The following SRGAP2C variants were observed in gnomAD, a reference collection of about 807,000 sequenced individuals.
SRGAP2C encodes the protein SLIT-ROBO Rho GTPase-activating protein 2C.
Under a neutral mutation model 25.1 loss-of-function variants are expected in SRGAP2C, and 15 were observed. The observed-to-expected ratio is 0.60, with a 90% CI of 0.40 to 0.92. The LOEUF (loss-of-function observed/expected upper bound fraction) is 0.92, where lower values mean the gene tolerates loss of function less well. Ranked by LOEUF, SRGAP2C falls within the 40% of genes least tolerant of loss-of-function variation. SRGAP2C has a pLI of 0.00. For missense variants in SRGAP2C, 144 were observed against 264.4 expected, an observed-to-expected ratio of 0.54 and a Z score of 3.16; for synonymous variants, 44 against 96.6, an observed-to-expected ratio of 0.46 and a Z score of 3.19.
At chr1:121,270,134 C>T (rs1222202862) in intron 2 of SRGAP2C, among the ~76,000 whole-genome samples, 7 of 140,816 alleles carry the variant, frequency 5.0e-5, no homozygotes, top group South Asian at 2.4e-4. Context: ...AAGACGAGTT[C>T]GTGGGTGCTA....
At chr1:121,357,449 A>T (rs1306892277) in intron 4 of SRGAP2C, among the ~76,000 whole-genome samples, 1 of 151,262 alleles carries the variant, frequency 6.6e-6, no homozygotes, top group Non-Finnish European at 1.5e-5. Context: ...CCTTATTTTC[A>T]TTCTGCCACC....
intron 2 of SRGAP2C, among the ~76,000 whole-genome samples, chr1:121,220,978 C>G: frequency 7.2e-6 from 1 of 139,446 alleles, no homozygotes; most frequent in Admixed American, 7.3e-5. Flanking sequence ...TCTTGGCTCA[C>G]TGCAACCTCC....
intron 4 of SRGAP2C, among the ~76,000 whole-genome samples, chr1:121,339,132 C>G (rs1480554625): frequency 2.0e-5 from 3 of 151,284 alleles, no homozygotes; most frequent in Middle Eastern, 3.2e-3. Context: ...TTTGGAGAAG[C>G]ATTTTTATCA....
At chr1:121,293,407 C>G (rs1311127197) in intron 3 of SRGAP2C, among the ~76,000 whole-genome samples, 1 of 136,116 alleles carries the variant, frequency 7.3e-6, no homozygotes, top group Non-Finnish European at 1.6e-5. Flanking sequence ...GCTGTGCTTT[C>G]GAAGGGTAAC....
chr1:121,361,756 C>T lies in SRGAP2C; in HGVS notation c.424-3537C>T, dbSNP rs587673208. 9.3e-5 allele frequency: 14 copies of T among 151,316 alleles called. No individual in the cohort carries two copies. In the East Asian group the frequency reaches 2.7e-3, roughly 29 times the overall value. The allele number at this position is 151,316 out of a possible 1,614,324, so 9.4% of individuals were successfully genotyped here. Reference sequence around the variant, plus strand: ...TTGTTAACTGTACCACATCTCTATTCTAAATTTAGGCATCTTTTTTTTTTT... The same window carrying T: ...TTGTTAACTGTACCACATCTCTATTTTAAATTTAGGCATCTTTTTTTTTTT... On this transcript the variant is annotated intron_variant, in intron 4 of 9. Transcript: ENST00000367123.
At chr1:121,345,649 CTTTTTTTTT>C (rs782110661) in intron 4 of SRGAP2C, among the ~76,000 whole-genome samples, 1 of 95,764 alleles carries the variant, frequency 1.0e-5, no homozygotes, top group African/African-American at 4.2e-5. Context: ...GGTTGCTCTT[CTTTTTTTTT>C]TTTTTTTTTT....
At chr1:121,340,763 C>T (rs1285552090) in intron 4 of SRGAP2C, among the ~76,000 whole-genome samples, 1 of 151,536 alleles carries the variant, frequency 6.6e-6, no homozygotes, top group Non-Finnish European at 1.5e-5. Flanking sequence ...CCATCTGTTT[C>T]TTATCTTACA....
At chr1:121,273,859 C>T (rs587597233) in intron 2 of SRGAP2C, among the ~76,000 whole-genome samples, 16 of 151,868 alleles carry the variant, frequency 1.1e-4, no homozygotes, top group African/African-American at 2.4e-4. Flanking sequence ...GAGAGAAAGC[C>T]TGGGTGGGAT....
At chr1:121,263,239 G>A (rs1179112534) in intron 2 of SRGAP2C, among the ~76,000 whole-genome samples, 1 of 150,572 alleles carries the variant, frequency 6.6e-6, no homozygotes, top group Non-Finnish European at 1.5e-5. Flanking sequence ...CATGGGAATC[G>A]CTTGAGCCCA....
chr1:121,368,340 G>A (rs1553350155), intron 5 of SRGAP2C, among the ~76,000 whole-genome samples: 2 of 147,038 alleles, frequency 1.4e-5, no homozygotes, highest in Admixed American at 6.8e-5. Context: ...AGGAGGCAGA[G>A]CTTGCAGTGA....
chr1:121,286,713 G>A (rs1657376511), intron 3 of SRGAP2C, among the ~76,000 whole-genome samples: 1 of 152,110 alleles, frequency 6.6e-6, no homozygotes, highest in South Asian at 2.1e-4. Context: ...GGGAAATGCT[G>A]TTCCATTCAC....
At chr1:121,378,910 C>G (rs1324496667) in intron 7 of SRGAP2C, among the ~76,000 whole-genome samples, 6 of 152,356 alleles carry the variant, frequency 3.9e-5, no homozygotes, top group African/African-American at 1.4e-4. Context: ...ATCTGCCACA[C>G]TGGGGAAACC....
At chr1:121,378,965 C>T (rs1553354104) in intron 7 of SRGAP2C, among the ~76,000 whole-genome samples, 1 of 152,176 alleles carries the variant, frequency 6.6e-6, no homozygotes, top group Non-Finnish European at 1.5e-5. Context: ...TTGATGGCAT[C>T]TAAGAATGGT....
intron 3 of SRGAP2C, among the ~76,000 whole-genome samples, chr1:121,314,228 G>C (rs1195465364): frequency 2.2e-5 from 3 of 136,582 alleles, no homozygotes; most frequent in South Asian, 2.5e-4. Context: ...CGGCTCCTGA[G>C]GCTTCTGCAT....
At chr1:121,282,861 G>T (rs1237072545) in intron 2 of SRGAP2C, among the ~76,000 whole-genome samples, 3 of 150,752 alleles carry the variant, frequency 2.0e-5, no homozygotes, top group East Asian at 2.0e-4. Flanking sequence ...CCTGGCACTT[G>T]GTTCTTACTG....
chr1:121,189,806 A>G (rs1391114123), intron 2 of SRGAP2C, among the ~76,000 whole-genome samples: 9 of 113,860 alleles, frequency 7.9e-5, no homozygotes, highest in African/African-American at 3.3e-4. Flanking sequence ...GTTGCTCATT[A>G]TGTTCCAGTC....
intron 4 of SRGAP2C, among the ~76,000 whole-genome samples, chr1:121,336,096 T>A (rs1209743900): frequency 1.3e-5 from 2 of 152,104 alleles, no homozygotes; most frequent in Non-Finnish European, 2.9e-5. Context: ...CCAAGATGTT[T>A]ATCAAGCCCC....
intron 4 of SRGAP2C, among the ~76,000 whole-genome samples, chr1:121,362,597 A>G (rs1659221359): frequency 6.6e-6 from 1 of 151,738 alleles, no homozygotes; most frequent in Non-Finnish European, 1.5e-5. Context: ...AACCTCTGCC[A>G]TTCAAACATA....
In SRGAP2C at chr1:121,278,009, C is replaced by T. The variant is rs1164541155; in HGVS notation, c.68-6794C>T. 4.2e-3 allele frequency among the ~76,000 whole-genome samples: 618 copies of T among 148,392 alleles called. 2 individuals carry two copies. The highest frequency in any genetic ancestry group is 0.014 in the African/African-American group (560 of 40,516). On this transcript the variant is annotated intron_variant, in intron 2 of 9. Transcript: ENST00000367123. The stretch of plus-strand genomic sequence containing the variant: ...AGGCTGGAGTATAGTGGCACAATCA[C>T]GGCTCACTGTGGCCTTGACCTCCTG...
Sources: gnomAD v4.1 joint callset for allele counts (sites outside exome capture counted in the v4.1 genomes callset) on GRCh38, gnomAD v4.1.1 for gene constraint, MANE v1.5 for transcripts, NCBI Gene and HGNC (gene_info 2026-07-23, HGNC 2026-07-21) for gene names.